Variants in COMMD1 observed in about 807,000 individuals in gnomAD.
The protein encoded by COMMD1 is COMM domain-containing protein 1.
COMMD1 carries 10 observed loss-of-function variants against 17.2 expected under a neutral mutation model. The observed-to-expected ratio is 0.58, with a 90% CI of 0.36 to 0.99. COMMD1 has a LOEUF of 0.99. Among genes scored for constraint, COMMD1 ranks in the 50% least tolerant of loss-of-function variants. COMMD1 has a pLI of 0.01. For missense variants in COMMD1, 270 were observed against 231.8 expected, an observed-to-expected ratio of 1.17 and a Z score of -1.07; for synonymous variants, 97 against 91.6, an observed-to-expected ratio of 1.06 and a Z score of -0.34.
At chr2:61,903,081 A>G (rs977506558), upstream of COMMD1, among the ~76,000 whole-genome samples, 1 of 152,194 alleles carries the variant, frequency 6.6e-6, no homozygotes, top group Non-Finnish European at 1.5e-5. Context: ...ACTTGGAGCC[A>G]TGGAAGCAAC....
Position 62,000,690 on chromosome 2 carries a change from C to T in COMMD1, c.181-11C>T, listed in dbSNP as rs764045961. 8.4e-5 allele frequency: 136 copies of T among 1,613,678 alleles called. No individual in the cohort carries two copies. The highest frequency in any genetic ancestry group is 1.1e-4 in the Non-Finnish European group (132 of 1,179,876). ...AATTCAAATTTTTTGCTTTTTCTGTCATCTTTATAGTCTATTGCGTCTGCA... is the reference window on the plus strand; with the variant it reads ...AATTCAAATTTTTTGCTTTTTCTGTTATCTTTATAGTCTATTGCGTCTGCA... On this transcript the variant is annotated splice_polypyrimidine_tract_variant and intron_variant, in intron 1 of 2. Transcript: ENST00000311832.
chr2:62,018,214 C>T (rs1669509545), intron 2 of COMMD1, among the ~76,000 whole-genome samples: 1 of 152,100 alleles, frequency 6.6e-6, no homozygotes, highest in Admixed American at 6.6e-5. Flanking sequence ...AGGGGGAAGT[C>T]ACTGTTCATT....
At chr2:62,073,426 C>G (rs1174458774) in intron 2 of COMMD1, among the ~76,000 whole-genome samples, 1 of 152,212 alleles carries the variant, frequency 6.6e-6, no homozygotes, top group Non-Finnish European at 1.5e-5. Flanking sequence ...CCTAAGCATT[C>G]CTTTCTACCA....
rs538213321 is a variant in COMMD1 at position 62,078,420 on chromosome 2, G to A, written c.463-57411G>A. On this transcript the variant is annotated intron_variant, in intron 2 of 2. Coordinates refer to ENST00000311832, the MANE Select transcript of COMMD1 (RefSeq NM_152516.4). ...TAAAAAAAATTAGCCGGGCATGGTG[G>A]CACATGCCTGTAATCCCAGCCACTC... is the stretch of plus-strand genomic sequence containing the variant. Among the ~76,000 whole-genome samples the A allele has an allele frequency of 5.4e-5, 8 of 148,448 alleles. No individual in the cohort carries two copies. In the East Asian group the frequency reaches 1.6e-3, roughly 30 times the overall value.
At chr2:62,037,537 T>G (rs1160627382) in intron 2 of COMMD1, among the ~76,000 whole-genome samples, 2 of 152,220 alleles carry the variant, frequency 1.3e-5, no homozygotes, top group Admixed American at 6.5e-5. Context: ...TTTTACTGGT[T>G]ATTAGTCTTA....
At chr2:61,919,278 C>G (rs955818343) in intron 1 of COMMD1, among the ~76,000 whole-genome samples, 1 of 152,106 alleles carries the variant, frequency 6.6e-6, no homozygotes, top group African/African-American at 2.4e-5. Context: ...TCCCAAAGTG[C>G]TGGGATTACA....
chr2:62,013,401 C>T (rs1573070177), intron 2 of COMMD1, among the ~76,000 whole-genome samples: 1 of 152,224 alleles, frequency 6.6e-6, no homozygotes, highest in Non-Finnish European at 1.5e-5. Flanking sequence ...GGACTTCTCA[C>T]AATCTCCATT....
At chr2:61,954,875 G>T (rs553407181) in intron 1 of COMMD1, among the ~76,000 whole-genome samples, 2 of 152,056 alleles carry the variant, frequency 1.3e-5, no homozygotes, top group African/African-American at 4.8e-5. Context: ...GGGTTTCACC[G>T]TGTTGCCCAG....
intron 1 of COMMD1, among the ~76,000 whole-genome samples, chr2:61,940,508 C>G (rs1046079074): frequency 1.3e-5 from 2 of 152,180 alleles, no homozygotes; most frequent in Non-Finnish European, 2.9e-5. Flanking sequence ...GGGTTCCCAG[C>G]AGGGAGTTGA....
intron 2 of COMMD1, chr2:62,070,422 G>A (rs1289408706): frequency 6.6e-6 from 1 of 151,838 alleles, no homozygotes; most frequent in African/African-American, 2.4e-5. Flanking sequence ...GCCAGGCATG[G>A]TGATGCTTTC....
At chr2:62,067,679 C>G (rs1242159701) in intron 2 of COMMD1, among the ~76,000 whole-genome samples, 1 of 152,158 alleles carries the variant, frequency 6.6e-6, no homozygotes, top group East Asian at 1.9e-4. Context: ...GGGATATGAT[C>G]CTATGGTAAT....
At chr2:61,921,393 A>G (rs1670193343) in intron 1 of COMMD1, among the ~76,000 whole-genome samples, 1 of 152,208 alleles carries the variant, frequency 6.6e-6, no homozygotes, top group Non-Finnish European at 1.5e-5. Context: ...ATCTGAATAT[A>G]TACTGTTGGT....
chr2:62,063,270 C>T (rs931858217), intron 2 of COMMD1, among the ~76,000 whole-genome samples: 20 of 151,990 alleles, frequency 1.3e-4, no homozygotes, highest in African/African-American at 3.1e-4. Flanking sequence ...TGGTGGTGCA[C>T]GCCTGTAGTC....
At chr2:62,100,659 G>A (rs1439578729) in intron 2 of COMMD1, among the ~76,000 whole-genome samples, 1 of 152,202 alleles carries the variant, frequency 6.6e-6, no homozygotes, top group Non-Finnish European at 1.5e-5. Context: ...AGGATCCACA[G>A]AAAGGAAATG....
chr2:62,043,086 A>G (rs1348874380), intron 2 of COMMD1, among the ~76,000 whole-genome samples: 1 of 152,228 alleles, frequency 6.6e-6, no homozygotes, highest in African/African-American at 2.4e-5. Context: ...CAAAGATGCC[A>G]AGTCCTATCA....
At chr2:61,976,115 G>C (rs1671794186) in intron 1 of COMMD1, among the ~76,000 whole-genome samples, 1 of 151,082 alleles carries the variant, frequency 6.6e-6, no homozygotes, top group Admixed American at 6.6e-5. Context: ...ATCGGTTTTT[G>C]CGTCTCATAT....
intron 2 of COMMD1, among the ~76,000 whole-genome samples, chr2:62,098,432 G>A (rs994827840): frequency 1.3e-5 from 2 of 151,800 alleles, no homozygotes; most frequent in Non-Finnish European, 2.9e-5. Flanking sequence ...CTTAATGATT[G>A]TGACAGCTAG....
At chr2:62,074,883 G>GT (rs570489051) in intron 2 of COMMD1, among the ~76,000 whole-genome samples, 9,133 of 110,282 alleles carry the variant, frequency 0.083, 337 homozygotes, top group African/African-American at 0.11. Context: ...TGTTTGTGTG[G>GT]TTTTTTTTTT....
intron 1 of COMMD1, among the ~76,000 whole-genome samples, chr2:61,982,878 G>T (rs531320815): frequency 2.0e-5 from 3 of 152,180 alleles, no homozygotes; most frequent in African/African-American, 7.2e-5. Context: ...ATCCTACTTG[G>T]TCATGATGAA....
Sources: allele counts gnomAD v4.1 joint callset (sites outside exome capture counted in the v4.1 genomes callset), GRCh38; gene constraint gnomAD v4.1.1; transcripts MANE v1.5; gene names NCBI Gene and HGNC (gene_info 2026-07-23, HGNC 2026-07-21).